Variants in EHBP1L1 observed in about 807,000 individuals in gnomAD.
EHBP1L1 encodes EH domain binding protein 1 like 1.
A neutral mutation model predicts 151.1 loss-of-function variants in EHBP1L1; 122 were observed. That is an observed-to-expected ratio of 0.81 (90% CI 0.70 to 0.94). The LOEUF (loss-of-function observed/expected upper bound fraction) is 0.94, where lower values mean the gene tolerates loss of function less well. Among genes scored for constraint, EHBP1L1 ranks in the 40% least tolerant of loss-of-function variants. The probability of loss-of-function intolerance (pLI) is 0.00; values close to 1 mark genes in which losing one functional copy is unlikely to be tolerated. For missense variants in EHBP1L1, 1,941 were observed against 1,959.8 expected, an observed-to-expected ratio of 0.99 and a Z score of 0.18; for synonymous variants, 878 against 810.1, an observed-to-expected ratio of 1.08 and a Z score of -1.42.
rs1362877991 is a variant in EHBP1L1, at chr11:65,583,687, CAGTGGG to C, written c.3016_3021del (p.Ser1006_Gly1007del). ...CCAGCCTGCCTGAAGCACAGGTGGCCAGTGGGGCAGGGGCTGGGGCGCCCAGGGCCT... is the reference window on the plus strand; with the variant it reads ...CCAGCCTGCCTGAAGCACAGGTGGCCGCAGGGGCTGGGGCGCCCAGGGCCT... On this transcript the variant is annotated inframe_deletion, in exon 9 of 19. Transcript: ENST00000309295. The C allele has an allele frequency of 1.3e-6, 2 of 1,576,832 alleles. No homozygotes were observed. The highest frequency in any genetic ancestry group is 1.9e-5 in the Admixed American group (1 of 53,642).
intron 16 of EHBP1L1, 130 bp downstream of exon 16, chr11:65,590,722 C>T: frequency 5.7e-6 from 5 of 874,264 alleles, no homozygotes; most frequent in Non-Finnish European, 8.9e-6. Context: ...CTGTTTTTGT[C>T]CTAAACAAAT....
chr11:65,590,567 C>T lies in EHBP1L1; in HGVS notation c.4258C>T (p.Arg1420Trp), dbSNP rs749879107. The stretch of plus-strand genomic sequence containing the variant: ...GGTCAACAAGAAGAACGCTCTCATC[C>T]GGAGGCAGGACCAGCTGCAGCTGCT... ...TLVNKKNALIRRQDQLQLLME... is the reference protein window; with the variant it reads ...TLVNKKNALIWRQDQLQLLME... The change falls in exon 16 of 19, where the codon CGG (arginine) becomes TGG (tryptophan). Residue 1420 changes from arginine (R) to tryptophan (W), a missense_variant. Arg to Trp is a moderately radical substitution (Grantham distance 101). Transcript: ENST00000309295. 3.2e-5 allele frequency: 51 copies of T among 1,613,450 alleles called. No homozygotes were observed. The highest frequency in any genetic ancestry group is 3.9e-5 in the Non-Finnish European group (46 of 1,179,852).
In EHBP1L1 at chr11:65,589,915, TATC is replaced by T. The variant is rs1858172389; in HGVS notation, c.4004-14_4004-12del. Reference sequence around the variant, plus strand: ...GGTGGGTGGTGGTTAGGGGGTGCCTTATCATCATCTCTGTCTGCAGGTGGGAGT... The same window carrying T: ...GGTGGGTGGTGGTTAGGGGGTGCCTTATCATCTCTGTCTGCAGGTGGGAGT... On this transcript the variant is annotated intron_variant, in intron 13 of 18. Coordinates refer to ENST00000309295, the MANE Select transcript of EHBP1L1 (RefSeq NM_001099409.3). 6 of 1,544,536 alleles carry T rather than the reference TATC, an allele frequency of 3.9e-6. No individual in the cohort carries two copies. Among genetic ancestry groups the T allele is most frequent in the Admixed American group, 2.0e-5 (1 of 50,672 alleles).
intron 6 of EHBP1L1, 65 bp downstream of exon 6, chr11:65,580,544 A>G: frequency 6.4e-7 from 1 of 1,557,350 alleles, no homozygotes; most frequent in Non-Finnish European, 8.6e-7. Flanking sequence ...TACCCGGGCC[A>G]CCAGCCACTT....
rs560968492 is a variant in EHBP1L1, at chr11:65,580,133, G to A, written c.365G>A (p.Arg122His). The change falls in exon 5 of 19, where the codon CGC becomes CAC. Residue 122 changes from arginine to histidine, a missense_variant. Physicochemically the swap from Arg to His is conservative, Grantham distance 29 (BLOSUM62 0). Transcript: ENST00000309295. ...VLATAEVDLA[R>H]HAGPVPVQVP... ...GCCACGGCCGAGGTGGACCTGGCCCGCCATGCAGGGCCCGTGCCTGTCCAA... is the reference window on the plus strand; with the variant it reads ...GCCACGGCCGAGGTGGACCTGGCCCACCATGCAGGGCCCGTGCCTGTCCAA... The A allele has an allele frequency of 8.7e-5, 140 of 1,613,520 alleles. 1 individual carries two copies. The South Asian group carries it at 1.2e-3, about 14-fold the overall frequency.
In EHBP1L1 at chr11:65,576,319, A is replaced by G. The variant is rs2135209199; in HGVS notation, c.17A>G (p.Lys6Arg). 6.3e-7 allele frequency: 1 copy of G among 1,595,440 alleles called. No individual in the cohort carries two copies. The highest frequency in any genetic ancestry group is 8.5e-7 in the Non-Finnish European group (1 of 1,172,062). Residue 6 changes from lysine (K) to arginine (R), a missense_variant, in exon 1 of 19, where the codon AAG becomes AGG. Lys to Arg is a conservative substitution (Grantham distance 26). Coordinates refer to ENST00000309295, the MANE Select transcript of EHBP1L1 (RefSeq NM_001099409.3). MTSVW[K>R]RLQRVGKRAA... ...GCGGGGGCCATGACCTCGGTGTGGA[A>G]GCGCCTGCAGCGCGTGGGCAAGCGG...
Position 65,582,030 on chromosome 11 carries a change from G to A in EHBP1L1, c.1358G>A (p.Gly453Glu). 1 of 1,613,530 alleles carries A rather than the reference G, an allele frequency of 6.2e-7. No homozygotes were observed. The highest frequency in any genetic ancestry group is 8.5e-7 in the Non-Finnish European group (1 of 1,179,814). Residue 453 changes from glycine to glutamate, a missense_variant, in exon 9 of 19, where the codon GGG becomes GAG. Transcript: ENST00000309295. Reference sequence around the variant, plus strand: ...GTGATGCCTGAGGCAAGATGCAGGGGGACCCCTGAGGCTCCTCCAAGGGGC... The same window carrying A: ...GTGATGCCTGAGGCAAGATGCAGGGAGACCCCTGAGGCTCCTCCAAGGGGC... ...TGVMPEARCR[G>E]TPEAPPRGSQ...
At chr11:65,584,861 T>A (rs1025164349) in intron 11 of EHBP1L1, 98 bp from the exon 12 acceptor site, 20 of 1,454,850 alleles carry the variant, frequency 1.4e-5, no homozygotes, top group East Asian at 2.5e-5. Context: ...AAACCCGGGG[T>A]GCCAATCCCG....
In EHBP1L1 at chr11:65,582,444, G is replaced by A. The variant is rs780858156; in HGVS notation, c.1772G>A (p.Gly591Glu). Residue 591 changes from glycine to glutamate, a missense_variant, in exon 9 of 19, where the codon GGG becomes GAG. Coordinates refer to ENST00000309295, the MANE Select transcript of EHBP1L1 (RefSeq NM_001099409.3). Reference sequence around the variant, plus strand: ...GGAACCCAGGAGAAAGAAGTTGAGGGGTCAGGGTTCCCAGAGACTAGGACA... The same window carrying A: ...GGAACCCAGGAGAAAGAAGTTGAGGAGTCAGGGTTCCCAGAGACTAGGACA... ...VLGTQEKEVE[G>E]SGFPETRTLE... is the part of the protein sequence containing the mutation. The A allele has an allele frequency of 1.2e-6, 2 of 1,612,428 alleles. No individual in the cohort carries two copies. Among genetic ancestry groups the A allele is most frequent in the East Asian group, 2.2e-5 (1 of 44,852 alleles).
intron 12 of EHBP1L1, among the ~76,000 whole-genome samples, chr11:65,587,700 G>A (rs1337891076): frequency 6.6e-6 from 1 of 152,152 alleles, no homozygotes; most frequent in Non-Finnish European, 1.5e-5. Flanking sequence ...TACATACAAG[G>A]ACACAAACAG....
chr11:65,584,967 T>G lies in EHBP1L1; in HGVS notation c.3309T>G (p.Asp1103Glu), dbSNP rs758836635. The change falls in exon 12 of 19, where the codon GAT becomes GAG. Residue 1103 changes from aspartate (D) to glutamate (E), a missense_variant. Transcript: ENST00000309295. ...NIKQNNKQAF[D>E]GFAALGVSRL... ...GTGCACCCTTCCCCTAGGCCTTCGATGGCTTCGCGGCTCTGGGCGTGTCGC... is the reference window on the plus strand; with the variant it reads ...GTGCACCCTTCCCCTAGGCCTTCGAGGGCTTCGCGGCTCTGGGCGTGTCGC... 7 of 1,532,846 alleles carry G rather than the reference T, an allele frequency of 4.6e-6. No homozygotes were observed. In the South Asian group the frequency reaches 8.3e-5, roughly 18 times the overall value. The allele number at this position is 1,532,846 out of a possible 1,614,324, so 95.0% of individuals were successfully genotyped here. A position where few individuals can be genotyped will look rare whatever the true frequency, so the allele number is the denominator to read the frequency against.
Position 65,576,222 on chromosome 11 carries a change from A to G in EHBP1L1, c.-81A>G. The G allele has an allele frequency of 1.5e-6, 2 of 1,331,424 alleles. No homozygotes were observed. The highest frequency in any genetic ancestry group is 9.9e-7 in the Non-Finnish European group (1 of 1,007,768). The allele number at this position is 1,331,424 out of a possible 1,614,324, so 82.5% of individuals were successfully genotyped here. Reference sequence around the variant, plus strand: ...ACGGGGCGGGCGGCGCGGACAGGCCATGGGGACCCGGGCCGGGCCAGCGGT... The same window carrying G: ...ACGGGGCGGGCGGCGCGGACAGGCCGTGGGGACCCGGGCCGGGCCAGCGGT... On this transcript the variant is annotated 5_prime_UTR_variant, in exon 1 of 19. An upstream start codon of the reference 5' UTR is lost. Transcript: ENST00000309295.
intron 1 of EHBP1L1, among the ~76,000 whole-genome samples, chr11:65,577,964 G>A (rs928471779): frequency 2.0e-5 from 3 of 152,168 alleles, no homozygotes; most frequent in African/African-American, 7.2e-5. Flanking sequence ...GCCAGTTCGC[G>A]TGCTGCCCTG....
At chr11:65,591,688 G>A in intron 16 of EHBP1L1, 112 bp from the exon 17 acceptor site, 1 of 848,818 alleles carries the variant, frequency 1.2e-6, no homozygotes, top group East Asian at 2.6e-5. Context: ...CTCGGGAACT[G>A]CTGGGGAGGT....
intron 1 of EHBP1L1, among the ~76,000 whole-genome samples, chr11:65,578,659 C>G (rs544746207): frequency 6.6e-6 from 1 of 152,222 alleles, no homozygotes; most frequent in Non-Finnish European, 1.5e-5. Flanking sequence ...CATCTTTGTG[C>G]GAAGGGACTT....
intron 12 of EHBP1L1, among the ~76,000 whole-genome samples, chr11:65,587,430 G>A (rs867051827): frequency 6.6e-6 from 1 of 151,838 alleles, no homozygotes; most frequent in Non-Finnish European, 1.5e-5. Context: ...GAATTCCCAC[G>A]AGGCCTGGCA....
In EHBP1L1 at chr11:65,583,163, G is replaced by T. The variant is rs770983574; in HGVS notation, c.2491G>T (p.Val831Phe). ...TQEIASRSSGVPGLESEVAGA... is the reference protein window; with the variant it reads ...TQEIASRSSGFPGLESEVAGA... ...AGAGATAGCATCTAGGAGTTCAGGG[G>T]TCCCAGGGCTAGAATCTGAGGTAGC... Residue 831 changes from valine (V) to phenylalanine (F), a missense_variant, in exon 9 of 19, where the codon GTC becomes TTC. Physicochemically the swap from Val to Phe is conservative, Grantham distance 50. Transcript: ENST00000309295. The T allele has an allele frequency of 1.4e-5, 23 of 1,613,348 alleles. No homozygotes were observed. Among genetic ancestry groups the T allele is most frequent in the Non-Finnish European group, 1.9e-5 (22 of 1,179,836 alleles).
chr11:65,584,620 CG>C, intron 11 of EHBP1L1, 86 bp downstream of exon 11: 2 of 1,527,666 alleles, frequency 1.3e-6, no homozygotes, highest in Non-Finnish European at 1.8e-6. Context: ...AGTGGACTGC[CG>C]GGCCCAGCAG....
Position 65,581,966 on chromosome 11 carries a change from G to A in EHBP1L1, c.1294G>A (p.Val432Met). ...CQVDAEQRSK[V>M]RHVDTKGPEA... ...AGTGGATGCTGAGCAGAGGTCAAAGGTGAGACATGTGGACACTAAGGGACC... is the reference window on the plus strand; with the variant it reads ...AGTGGATGCTGAGCAGAGGTCAAAGATGAGACATGTGGACACTAAGGGACC... Residue 432 changes from valine to methionine, a missense_variant, in exon 9 of 19, where the codon GTG becomes ATG. By Grantham distance (21) the Val-to-Met change is conservative. Transcript: ENST00000309295. 1 of 1,613,818 alleles carries A rather than the reference G, an allele frequency of 6.2e-7. No individual in the cohort carries two copies. Among genetic ancestry groups the A allele is most frequent in the East Asian group, 2.2e-5 (1 of 44,884 alleles).
Sources: gnomAD v4.1 joint callset for allele counts (sites outside exome capture counted in the v4.1 genomes callset) on GRCh38, gnomAD v4.1.1 for gene constraint, MANE v1.5 for transcripts, NCBI Gene and HGNC (gene_info 2026-07-23, HGNC 2026-07-21) for gene names.